Variants in ABL2 observed in about 807,000 individuals in gnomAD.
ABL2 encodes the protein ABL proto-oncogene 2, non-receptor tyrosine kinase.
A neutral mutation model predicts 107.7 loss-of-function variants in ABL2; 49 were observed. The ratio of observed to expected loss-of-function variants is 0.45; its 90% CI spans 0.36 to 0.58. The LOEUF (loss-of-function observed/expected upper bound fraction) is 0.58. Among genes scored for constraint, ABL2 ranks in the 20% least tolerant of loss-of-function variants. ABL2 has a pLI of 0.00. For synonymous variants in ABL2, 549 were observed against 548.6 expected, an observed-to-expected ratio of 1.00 and a Z score of -0.01; for missense variants, 1,245 against 1,457.0, an observed-to-expected ratio of 0.85 and a Z score of 2.37.
chr1:179,129,661 GACA>G (rs1656087936), intron 3 of ABL2, among the ~76,000 whole-genome samples: 1 of 147,516 alleles, frequency 6.8e-6, no homozygotes, highest in Non-Finnish European at 1.5e-5. Flanking sequence ...CAGCCTGGGT[GACA>G]GAGCGAGACT....
chr1:179,186,564 A>G (rs1194129000), intron 1 of ABL2, among the ~76,000 whole-genome samples: 1 of 151,834 alleles, frequency 6.6e-6, no homozygotes, highest in African/African-American at 2.4e-5. Flanking sequence ...TATTTTTAGT[A>G]GAGACGGGGT....
At chr1:179,135,199 G>T (rs1362518588) in intron 1 of ABL2, among the ~76,000 whole-genome samples, 3 of 151,736 alleles carry the variant, frequency 2.0e-5, no homozygotes, top group Non-Finnish European at 4.4e-5. Flanking sequence ...CCATCGTCTG[G>T]GATGTGAGGA....
In ABL2 at chr1:179,178,401, CAA is replaced by C. The variant is rs572438530; in HGVS notation, c.158-45029_158-45028del. 3.8e-4 allele frequency among the ~76,000 whole-genome samples: 26 copies of C among 68,602 alleles called. 1 individual carries two copies. The highest frequency in any genetic ancestry group is 6.0e-4 in the Admixed American group (3 of 4,976). 45.0% of individuals were successfully genotyped at this position (68,602 alleles called of 152,430 possible). On this transcript the variant is annotated intron_variant, in intron 1 of 11. Coordinates refer to ENST00000502732, the MANE Select transcript of ABL2 (RefSeq NM_007314.4). ...TGGGTGACAGAGCAAGACTCTGCCT[CAA>C]AAAAAAAAAAAAAAAAATTATTTGT...
chr1:179,213,060 A>AG (rs1235926205), intron 1 of ABL2, among the ~76,000 whole-genome samples: 1 of 145,306 alleles, frequency 6.9e-6, no homozygotes, highest in Admixed American at 7.2e-5. Flanking sequence ...AAAAAAAAAA[A>AG]AAAAGAAATA....
At chr1:179,177,240 TG>T (rs1034009131) in intron 1 of ABL2, among the ~76,000 whole-genome samples, 2 of 152,154 alleles carry the variant, frequency 1.3e-5, no homozygotes, top group Non-Finnish European at 2.9e-5. Context: ...CAACAAACAC[TG>T]TCAAGACCAC....
intron 1 of ABL2, among the ~76,000 whole-genome samples, chr1:179,159,888 C>T (rs888079179): frequency 3.9e-5 from 6 of 152,172 alleles, no homozygotes; most frequent in African/African-American, 1.2e-4. Flanking sequence ...CCAAGGTGGG[C>T]GTATCAACTG....
intron 1 of ABL2, among the ~76,000 whole-genome samples, chr1:179,146,730 T>G (rs1476842719): frequency 6.6e-6 from 1 of 152,168 alleles, no homozygotes; most frequent in Admixed American, 6.5e-5. Flanking sequence ...TTCCTCTCCT[T>G]GTACTCACTC....
chr1:179,222,362 T>C (rs1446603564), intron 1 of ABL2, among the ~76,000 whole-genome samples: 2 of 152,086 alleles, frequency 1.3e-5, no homozygotes, highest in African/African-American at 4.8e-5. Context: ...CCTGAGTAGC[T>C]GGGATTACAG....
chr1:179,203,122 C>T (rs1474298698), intron 1 of ABL2, among the ~76,000 whole-genome samples: 1 of 152,106 alleles, frequency 6.6e-6, no homozygotes, highest in Non-Finnish European at 1.5e-5. Context: ...CGTAATAAAA[C>T]ATACTGCATT....
chr1:179,127,796 C>A (rs1655875334), intron 3 of ABL2, among the ~76,000 whole-genome samples: 1 of 151,982 alleles, frequency 6.6e-6, no homozygotes, highest in African/African-American at 2.4e-5. Context: ...CTTTGGGAGG[C>A]TGAGAGGGGC....
At chr1:179,216,914 C>A (rs969529954) in intron 1 of ABL2, among the ~76,000 whole-genome samples, 5 of 151,290 alleles carry the variant, frequency 3.3e-5, no homozygotes, top group Non-Finnish European at 4.4e-5. Flanking sequence ...GAAGTCCTGA[C>A]CTCATGATCT....
intron 1 of ABL2, among the ~76,000 whole-genome samples, chr1:179,220,506 G>A (rs1490496048): frequency 6.6e-6 from 1 of 152,174 alleles, no homozygotes; most frequent in African/African-American, 2.4e-5. Context: ...TGGTCACTTT[G>A]TCAGGAAAAT....
chr1:179,130,723 A>ATTTTTTTT (rs1006826497), intron 3 of ABL2, among the ~76,000 whole-genome samples: 16 of 114,612 alleles, frequency 1.4e-4, no homozygotes, highest in African/African-American at 6.1e-4. Context: ...ATCATTATTG[A>ATTTTTTTT]TTTTGTGTGT....
At chr1:179,117,604 CAG>C in intron 7 of ABL2, 88 bp from the exon 8 acceptor site, 1 of 1,369,148 alleles carries the variant, frequency 7.3e-7, no homozygotes, top group Non-Finnish European at 1.0e-6. Flanking sequence ...GTGTTATAGG[CAG>C]AGTTAAGTAA....
At position 179,148,226 on chromosome 1, in the gene ABL2, G is replaced by A. The variant is rs186134859; in HGVS notation, c.158-14852C>T. Among the ~76,000 whole-genome samples, 727 of 151,882 alleles carry A rather than the reference G, an allele frequency of 4.8e-3. 3 individuals are homozygous for A. Among genetic ancestry groups the A allele is most frequent in the African/African-American group, 0.013 (559 of 41,446 alleles). On this transcript the variant is annotated intron_variant, in intron 1 of 11. Coordinates refer to ENST00000502732, the MANE Select transcript of ABL2 (RefSeq NM_007314.4). ...GCTAATTTTTGTATTTTTTTGTAGAGAAGTGGTTTCACCATGTTGCCCAGG... is the reference window on the plus strand; with the variant it reads ...GCTAATTTTTGTATTTTTTTGTAGAAAAGTGGTTTCACCATGTTGCCCAGG...
chr1:179,168,759 C>A lies in ABL2; in HGVS notation c.158-35385G>T, dbSNP rs967178407. On this transcript the variant is annotated intron_variant, in intron 1 of 11. Coordinates refer to ENST00000502732, the MANE Select transcript of ABL2 (RefSeq NM_007314.4). ...GAGTCACATCCTCTTCCCACATACA[C>A]AGCTTTCAGAAATTTTTTAAGGAAG... 2.6e-5 allele frequency among the ~76,000 whole-genome samples: 4 copies of A among 152,320 alleles called. No homozygotes were observed. The South Asian group carries it at 8.3e-4, about 32-fold the overall frequency.
intron 1 of ABL2, among the ~76,000 whole-genome samples, chr1:179,214,361 A>G (rs919499557): frequency 2.0e-5 from 3 of 151,986 alleles, no homozygotes; most frequent in Admixed American, 2.0e-4. Flanking sequence ...TTTGGAAGAT[A>G]TAAGATGCAA....
At position 179,117,228 on chromosome 1, in the gene ABL2, T is replaced by A. The variant is rs761312887; in HGVS notation, c.1408+104A>T. 8 of 1,125,650 alleles carry A rather than the reference T, an allele frequency of 7.1e-6. No homozygotes were observed. The South Asian group carries it at 1.1e-4, about 16-fold the overall frequency. 69.7% of individuals were successfully genotyped at this position (1,125,650 alleles called of 1,614,324 possible). A position where few individuals can be genotyped will look rare whatever the true frequency, so the allele number is the denominator to read the frequency against. On this transcript the variant is annotated intron_variant, in intron 8 of 11. Coordinates refer to ENST00000502732, the MANE Select transcript of ABL2 (RefSeq NM_007314.4). ...TGAATAACTGAAGAAGAATGGCAGG[T>A]AAAGGTAGAGGATACTGAACATCGT...
chr1:179,108,311 G>C lies in ABL2; in HGVS notation c.2956C>G (p.Pro986Ala). 6.2e-7 allele frequency: 1 copy of C among 1,614,196 alleles called. No individual in the cohort carries two copies. ...TGCAGTAGTCTCATCACTGGTGGTG[G>C]GGGTGGGGCACACTTTGGTTTTACC... ...RRVKPKCAPP[P>A]PPVMRLLQHP... The change falls in exon 12 of 12, where the codon CCA (proline) becomes GCA (alanine). Residue 986 changes from proline to alanine, a missense_variant. Pro to Ala is a conservative substitution (Grantham distance 27). Coordinates refer to ENST00000502732, the MANE Select transcript of ABL2 (RefSeq NM_007314.4).
Sources: gnomAD v4.1 joint callset for allele counts (sites outside exome capture counted in the v4.1 genomes callset) on GRCh38, gnomAD v4.1.1 for gene constraint, MANE v1.5 for transcripts, NCBI Gene and HGNC (gene_info 2026-07-23, HGNC 2026-07-21) for gene names.